Variants in NXPH1 observed in about 807,000 individuals in gnomAD.
NXPH1 encodes neurexophilin 1, also known as neurexophilin-1.
In NXPH1, 5 loss-of-function variants were observed where a neutral mutation model predicts 23.7. That is an observed-to-expected ratio of 0.21 (90% confidence interval 0.11 to 0.44). The LOEUF (loss-of-function observed/expected upper bound fraction) is 0.44. NXPH1 is among the 20% of genes least tolerant of loss of function. NXPH1 has a pLI of 0.99. For synonymous variants in NXPH1, 144 were observed against 122.2 expected (o/e 1.18, Z -1.18); for missense variants, 324 against 321.6 (o/e 1.01, Z -0.06).
At chr7:8,440,488 G>A (rs537670438) in intron 2 of NXPH1, among the ~76,000 whole-genome samples, 28 of 152,174 alleles carry the variant, frequency 1.8e-4, no homozygotes, top group African/African-American at 6.3e-4. Flanking sequence ...AATTGTTGAC[G>A]GCTATTTCTT....
chr7:8,706,944 C>T (rs1001589190), intron 2 of NXPH1, among the ~76,000 whole-genome samples: 3 of 152,034 alleles, frequency 2.0e-5, no homozygotes, highest in Non-Finnish European at 2.9e-5. Context: ...TTAATGGGTA[C>T]AATATATATT....
chr7:8,441,761 G>T (rs1816305612), intron 2 of NXPH1, among the ~76,000 whole-genome samples: 1 of 152,204 alleles, frequency 6.6e-6, no homozygotes, highest in Non-Finnish European at 1.5e-5. Flanking sequence ...CCAAGAGCGC[G>T]TTTGCGCATT....
At chr7:8,724,616 A>G (rs17154637) in intron 2 of NXPH1, among the ~76,000 whole-genome samples, 70,204 of 152,024 alleles carry the variant, frequency 0.46, 17,257 homozygotes, top group African/African-American at 0.64. Context: ...TGTCTGCCTC[A>G]TTCTCTCTAT....
chr7:8,601,167 T>C (rs1328548147), intron 2 of NXPH1, among the ~76,000 whole-genome samples: 1 of 152,092 alleles, frequency 6.6e-6, no homozygotes, highest in East Asian at 1.9e-4. Context: ...TTATATACTT[T>C]TCCACATGGT....
At chr7:8,439,271 G>C (rs1816250014) in intron 2 of NXPH1, among the ~76,000 whole-genome samples, 1 of 152,094 alleles carries the variant, frequency 6.6e-6, no homozygotes. Flanking sequence ...ATGGTTCCTT[G>C]CTCTGAAGAG....
chr7:8,738,995 C>G (rs926582848), intron 2 of NXPH1, among the ~76,000 whole-genome samples: 5 of 151,854 alleles, frequency 3.3e-5, no homozygotes, highest in African/African-American at 1.2e-4. Flanking sequence ...TCAAGCATCC[C>G]AGGTCGACTT....
chr7:8,515,789 C>G (rs974454282), intron 2 of NXPH1, among the ~76,000 whole-genome samples: 1 of 152,114 alleles, frequency 6.6e-6, no homozygotes, highest in African/African-American at 2.4e-5. Context: ...TCTGTAAACT[C>G]ACATGTGGAA....
intron 2 of NXPH1, among the ~76,000 whole-genome samples, chr7:8,726,366 G>A (rs942984566): frequency 4.7e-5 from 7 of 150,382 alleles, no homozygotes; most frequent in Non-Finnish European, 7.4e-5. Context: ...TTAAGTTTTA[G>A]GGTACGTGTG....
chr7:8,461,804 T>C (rs1354871623), intron 2 of NXPH1, among the ~76,000 whole-genome samples: 1 of 130,132 alleles, frequency 7.7e-6, no homozygotes, highest in Non-Finnish European at 1.5e-5. Context: ...CAGTCCGCAG[T>C]CCGGCCTGGG....
At chr7:8,501,170 C>T (rs746192016) in intron 2 of NXPH1, among the ~76,000 whole-genome samples, 4 of 152,168 alleles carry the variant, frequency 2.6e-5, no homozygotes, top group Non-Finnish European at 5.9e-5. Flanking sequence ...CTCTTTTGAG[C>T]TCTAGGGATC....
At position 8,435,874 on chromosome 7, in the gene NXPH1, C is replaced by T. The variant is rs1227872872; in HGVS notation, c.54+107C>T. 11 of 1,052,406 alleles carry T rather than the reference C, an allele frequency of 1.0e-5. No individual in the cohort carries two copies. The highest frequency in any genetic ancestry group is 1.6e-5 in the African/African-American group (1 of 63,862). 65.2% of individuals were successfully genotyped at this position (1,052,406 alleles called of 1,614,324 possible). ...TACGCCGCCAGTTCAGTGAGAGCAG[C>T]TTCCTAGCAGCTGTGTTGGAGCAAC... On this transcript the variant is annotated intron_variant, in intron 2 of 2. Transcript: ENST00000405863. This position sits in a 1 kb window ranked among gnomAD's most constrained non-coding sequence, Gnocchi z 5.9.
chr7:8,745,327 T>C (rs1780448484), intron 2 of NXPH1, among the ~76,000 whole-genome samples: 2 of 152,028 alleles, frequency 1.3e-5, no homozygotes, highest in African/African-American at 2.4e-5. Flanking sequence ...ATACTTGTTT[T>C]TTGTGTATGG....
At chr7:8,623,628 C>T (rs1298737261) in intron 2 of NXPH1, among the ~76,000 whole-genome samples, 4 of 96,862 alleles carry the variant, frequency 4.1e-5, no homozygotes, top group East Asian at 1.9e-4. Flanking sequence ...TATTAATGAA[C>T]TGTCAATTTT....
At chr7:8,720,746 C>G (rs952478669) in intron 2 of NXPH1, among the ~76,000 whole-genome samples, 3 of 152,192 alleles carry the variant, frequency 2.0e-5, no homozygotes, top group African/African-American at 4.8e-5. Flanking sequence ...ATATTTTACT[C>G]TCTGCAACTA....
chr7:8,615,965 C>G lies in NXPH1; in HGVS notation c.55-135043C>G, dbSNP rs377348751. On this transcript the variant is annotated intron_variant, in intron 2 of 2. Transcript: ENST00000405863. ...TTCTACATAGTCTCCCTATTTTTGC[C>G]GTTATCTTCTTAAAGCTTATTCTCC... is the stretch of plus-strand genomic sequence containing the variant. Among the ~76,000 whole-genome samples the G allele has an allele frequency of 2.7e-4, 41 of 151,998 alleles. No homozygotes were observed. The East Asian group carries it at 4.4e-3, about 16-fold the overall frequency.
intron 2 of NXPH1, among the ~76,000 whole-genome samples, chr7:8,464,333 T>C (rs1816743106): frequency 6.6e-6 from 1 of 152,194 alleles, no homozygotes; most frequent in African/African-American, 2.4e-5. Flanking sequence ...TATTTCTTTA[T>C]GAAAACAAAG....
At chr7:8,685,714 C>A (rs1821135912) in intron 2 of NXPH1, among the ~76,000 whole-genome samples, 2 of 151,912 alleles carry the variant, frequency 1.3e-5, no homozygotes, top group South Asian at 4.1e-4. Context: ...TACTAATTTA[C>A]ATTCCCACCA....
chr7:8,565,955 C>A (rs1283074676), intron 2 of NXPH1, among the ~76,000 whole-genome samples: 1 of 151,756 alleles, frequency 6.6e-6, no homozygotes, highest in Non-Finnish European at 1.5e-5. Context: ...AATGGAGGAT[C>A]CTTTGTGTGT....
chr7:8,615,703 C>G (rs1819718803), intron 2 of NXPH1, among the ~76,000 whole-genome samples: 1 of 151,812 alleles, frequency 6.6e-6, no homozygotes, highest in Non-Finnish European at 1.5e-5. Flanking sequence ...CTATGCTTTG[C>G]TAAAGATTGG....
Sources: gnomAD v4.1 joint callset for allele counts (sites outside exome capture counted in the v4.1 genomes callset) on GRCh38, gnomAD v4.1.1 for gene constraint, Gnocchi (gnomAD v3.1) non-coding constraint, MANE v1.5 for transcripts, NCBI Gene and HGNC (gene_info 2026-07-23, HGNC 2026-07-21) for gene names.